The following KHDRBS2 variants were observed in gnomAD, a reference collection of about 807,000 sequenced individuals.
KHDRBS2 encodes KH domain-containing, RNA-binding, signal transduction-associated protein 2.
A neutral mutation model predicts 44.3 loss-of-function variants in KHDRBS2; 26 were observed. The observed-to-expected ratio is 0.59, with a 90% CI of 0.43 to 0.81. KHDRBS2 has a LOEUF of 0.81. KHDRBS2 is among the 40% of genes least tolerant of loss of function. The pLI is 0.00. For missense variants in KHDRBS2, 476 were observed against 433.1 expected (o/e 1.10, Z -0.88); for synonymous variants, 194 against 151.1 (o/e 1.28, Z -2.08).
At chr6:61,809,532 C>A (rs941563486) in intron 6 of KHDRBS2, among the ~76,000 whole-genome samples, 5 of 152,096 alleles carry the variant, frequency 3.3e-5, no homozygotes, top group Non-Finnish European at 5.9e-5. Context: ...CCTTCATACT[C>A]CTGCCTTCTT....
chr6:61,542,776 G>A, the KHDRBS2 span, among the ~76,000 whole-genome samples: 3 of 151,816 alleles, frequency 2.0e-5, no homozygotes, highest in Admixed American at 6.6e-5. Context: ...GAGAGAGGAG[G>A]CAGATATATA....
chr6:61,750,869 A>C (rs1476084511), intron 6 of KHDRBS2, among the ~76,000 whole-genome samples: 10 of 151,600 alleles, frequency 6.6e-5, no homozygotes, highest in Non-Finnish European at 7.4e-5. Flanking sequence ...TTCTAGTTTT[A>C]TTTTGAGTAG....
At chr6:62,271,296 C>T (rs983894043) in intron 1 of KHDRBS2, among the ~76,000 whole-genome samples, 3 of 152,076 alleles carry the variant, frequency 2.0e-5, no homozygotes, top group African/African-American at 7.2e-5. Flanking sequence ...TTTAGCCATC[C>T]TAATATCTAG....
At chr6:61,683,519 C>T (rs1766520209) in intron 8 of KHDRBS2, among the ~76,000 whole-genome samples, 4 of 151,790 alleles carry the variant, frequency 2.6e-5, no homozygotes, top group African/African-American at 9.7e-5. Context: ...GGGAACTATG[C>T]AGAAAGTTCC....
chr6:61,728,463 A>G (rs557595263), intron 7 of KHDRBS2, among the ~76,000 whole-genome samples: 1 of 152,310 alleles, frequency 6.6e-6, no homozygotes, highest in South Asian at 2.1e-4. Context: ...TTGAAGAAAA[A>G]AAAAGATTTA....
intron 2 of KHDRBS2, among the ~76,000 whole-genome samples, chr6:62,139,385 T>C (rs2150096659): frequency 6.6e-6 from 1 of 152,050 alleles, no homozygotes; most frequent in East Asian, 1.9e-4. Flanking sequence ...ACCCCGTCTC[T>C]ACTAAAAATA....
intron 1 of KHDRBS2, among the ~76,000 whole-genome samples, chr6:62,185,092 GTTA>G (rs1379281083): frequency 3.3e-5 from 5 of 151,808 alleles, no homozygotes; most frequent in African/African-American, 1.2e-4. Flanking sequence ...TTCAAATGAT[GTTA>G]TTATAACGAT....
the KHDRBS2 span, among the ~76,000 whole-genome samples, chr6:61,550,649 A>G: frequency 1.3e-5 from 2 of 152,070 alleles, no homozygotes; most frequent in Non-Finnish European, 2.9e-5. Flanking sequence ...ATAATGGCTC[A>G]ACTAATTTAC....
chr6:61,578,142 G>T, the KHDRBS2 span, among the ~76,000 whole-genome samples: 8 of 152,114 alleles, frequency 5.3e-5, no homozygotes, highest in African/African-American at 1.9e-4. Context: ...AGCAAGAGAA[G>T]GTGGCAGGGC....
At chr6:61,640,448 G>A in the KHDRBS2 span, among the ~76,000 whole-genome samples, 6 of 152,078 alleles carry the variant, frequency 3.9e-5, no homozygotes, top group African/African-American at 1.4e-4. Context: ...TTCACAGTGT[G>A]TAACCCAACA....
chr6:61,848,532 CATATATATGTAT>C (rs1794888927), intron 6 of KHDRBS2, among the ~76,000 whole-genome samples: 8 of 28,218 alleles, frequency 2.8e-4, no homozygotes, highest in African/African-American at 4.3e-4. Flanking sequence ...TATATATATA[CATATATATGTAT>C]ATATATACAT....
the KHDRBS2 span, among the ~76,000 whole-genome samples, chr6:61,621,635 T>C: frequency 6.6e-6 from 1 of 152,228 alleles, no homozygotes; most frequent in Non-Finnish European, 1.5e-5. Flanking sequence ...AATATTTTTA[T>C]ACTTGTGGTG....
At chr6:62,282,531 T>A (rs1210319938) in intron 1 of KHDRBS2, among the ~76,000 whole-genome samples, 1 of 152,094 alleles carries the variant, frequency 6.6e-6, no homozygotes, top group South Asian at 2.1e-4. Context: ...AATATATAAA[T>A]CTGAACAGAT....
chr6:62,063,625 T>C (rs1390189100), intron 2 of KHDRBS2, among the ~76,000 whole-genome samples: 2 of 150,912 alleles, frequency 1.3e-5, no homozygotes, highest in Middle Eastern at 3.2e-3. Context: ...TGATGGGATG[T>C]ATTTCAAAAT....
rs59518436 is a variant in KHDRBS2 at position 61,869,964 on chromosome 6, G to GTTTTTTTTTTTTTTT, written c.810+24656_810+24670dup. On this transcript the variant is annotated intron_variant, in intron 6 of 8. Coordinates refer to ENST00000281156, the MANE Select transcript of KHDRBS2 (RefSeq NM_152688.4). The stretch of plus-strand genomic sequence containing the variant: ...TAGACACCGAACTAGCTGCAGGAGT[G>GTTTTTTTTTTTTTTT]TTTTTTTTTTTTTTTTTTTTTTTCC... Among the ~76,000 whole-genome samples, 26 of 109,024 alleles carry GTTTTTTTTTTTTTTT rather than the reference G, an allele frequency of 2.4e-4. 1 individual carries two copies. The highest frequency in any genetic ancestry group is 9.8e-4 in the African/African-American group (26 of 26,430). The allele number at this position is 109,024 out of a possible 152,430, so 71.5% of individuals were successfully genotyped here. A position where few individuals can be genotyped will look rare whatever the true frequency, so the allele number is the denominator to read the frequency against.
the KHDRBS2 span, among the ~76,000 whole-genome samples, chr6:61,569,125 A>G: frequency 6.6e-6 from 1 of 152,064 alleles, no homozygotes; most frequent in African/African-American, 2.4e-5. Context: ...GCCTCTCGCT[A>G]CTGGCTATCC....
At chr6:62,053,040 T>C (rs1789430052) in intron 2 of KHDRBS2, among the ~76,000 whole-genome samples, 1 of 152,090 alleles carries the variant, frequency 6.6e-6, no homozygotes, top group Non-Finnish European at 1.5e-5. Flanking sequence ...GATGGATATG[T>C]CAGTTTGCTT....
intron 1 of KHDRBS2, among the ~76,000 whole-genome samples, chr6:62,192,198 A>T (rs1488148207): frequency 1.3e-5 from 2 of 152,124 alleles, no homozygotes; most frequent in Admixed American, 1.3e-4. Context: ...CTGATTTTTT[A>T]AATGAATTAT....
At chr6:61,777,569 G>A (rs912676338) in intron 6 of KHDRBS2, among the ~76,000 whole-genome samples, 5 of 152,112 alleles carry the variant, frequency 3.3e-5, no homozygotes, top group African/African-American at 9.7e-5. Context: ...ATTTGGGAAA[G>A]TACAGAGTAG....
Sources: gnomAD v4.1 joint callset for allele counts (sites outside exome capture counted in the v4.1 genomes callset) on GRCh38, gnomAD v4.1.1 for gene constraint, MANE v1.5 for transcripts, NCBI Gene and HGNC (gene_info 2026-07-23, HGNC 2026-07-21) for gene names.